Variants in TENM4 observed in about 807,000 individuals in gnomAD.
TENM4 encodes teneurin transmembrane protein 4.
A neutral mutation model predicts 243.3 loss-of-function variants in TENM4; 82 were observed. The ratio of observed to expected loss-of-function variants is 0.34; its 90% CI spans 0.28 to 0.40. The LOEUF (loss-of-function observed/expected upper bound fraction) is 0.40. TENM4 is among the 10% of genes least tolerant of loss of function. The probability of loss-of-function intolerance (pLI) is 1.00; values close to 1 mark genes in which losing one functional copy is unlikely to be tolerated. For missense variants in TENM4, 3,138 were observed against 3,673.3 expected (o/e 0.85, Z 3.77); for synonymous variants, 1,412 against 1,456.3 (o/e 0.97, Z 0.69).
At chr11:78,999,071 C>T (rs994012249) in intron 6 of TENM4, among the ~76,000 whole-genome samples, 1 of 152,208 alleles carries the variant, frequency 6.6e-6, no homozygotes, top group Admixed American at 6.5e-5. Context: ...TGAGCACAGT[C>T]TCTGTCCATC....
At chr11:78,736,217 C>T (rs1267401902) in intron 20 of TENM4, among the ~76,000 whole-genome samples, 1 of 152,112 alleles carries the variant, frequency 6.6e-6, no homozygotes, top group East Asian at 1.9e-4. Context: ...CTCAAGTGAT[C>T]CTTACGCCGT....
intron 1 of TENM4, among the ~76,000 whole-genome samples, chr11:79,361,590 A>G (rs1436909445): frequency 6.6e-6 from 1 of 152,166 alleles, no homozygotes; most frequent in African/African-American, 2.4e-5. Context: ...TAAATAGTCC[A>G]TTCATTGAAC....
At chr11:79,358,949 CATT>C (rs1480776212) in intron 1 of TENM4, among the ~76,000 whole-genome samples, 2 of 116,176 alleles carry the variant, frequency 1.7e-5, no homozygotes, top group Non-Finnish European at 3.5e-5. Flanking sequence ...AGTAAAAAGG[CATT>C]TTTTTTTTTT....
At chr11:78,745,633 GT>G (rs1565360818) in intron 19 of TENM4, among the ~76,000 whole-genome samples, 1 of 152,126 alleles carries the variant, frequency 6.6e-6, no homozygotes, top group Non-Finnish European at 1.5e-5. Context: ...GAACAAATCG[GT>G]GAGAATCCAA....
intron 1 of TENM4, among the ~76,000 whole-genome samples, chr11:79,409,564 C>G (rs78986379): frequency 2.0e-5 from 3 of 151,992 alleles, no homozygotes; most frequent in Non-Finnish European, 4.4e-5. Context: ...GAAGAATAGC[C>G]CCCCCGGAAC....
At chr11:78,814,981 C>A (rs958196673) in intron 12 of TENM4, among the ~76,000 whole-genome samples, 1 of 152,198 alleles carries the variant, frequency 6.6e-6, no homozygotes, top group Non-Finnish European at 1.5e-5. Context: ...CACCCATCAG[C>A]CTAAGTTATT....
chr11:79,325,746 A>C (rs941613939), intron 1 of TENM4, among the ~76,000 whole-genome samples: 1 of 152,160 alleles, frequency 6.6e-6, no homozygotes, highest in African/African-American at 2.4e-5. Flanking sequence ...TTTATAATTC[A>C]CTGGGTCAAA....
At chr11:78,871,136 T>C (rs996057768) in intron 9 of TENM4, among the ~76,000 whole-genome samples, 7 of 152,138 alleles carry the variant, frequency 4.6e-5, no homozygotes, top group Non-Finnish European at 1.5e-5. Context: ...GAGCACAGCC[T>C]CTGGAGCCAG....
intron 1 of TENM4, among the ~76,000 whole-genome samples, chr11:79,401,187 T>G (rs528907718): frequency 1.1e-3 from 175 of 152,332 alleles, no homozygotes; most frequent in African/African-American, 4.1e-3. Flanking sequence ...TCCTGCCTCC[T>G]TCCCTCCCTC....
chr11:79,390,384 C>T (rs917723588), intron 1 of TENM4, among the ~76,000 whole-genome samples: 2 of 152,236 alleles, frequency 1.3e-5, no homozygotes, highest in African/African-American at 4.8e-5. Flanking sequence ...GCCATTTGCT[C>T]TCTACAGTAC....
chr11:79,131,880 G>A (rs780480906), intron 4 of TENM4, among the ~76,000 whole-genome samples: 12 of 152,000 alleles, frequency 7.9e-5, no homozygotes, highest in Non-Finnish European at 1.8e-4. Flanking sequence ...AGCCAGCAGG[G>A]GTAGCTATTC....
intron 1 of TENM4, among the ~76,000 whole-genome samples, chr11:79,428,903 G>C (rs1279161914): frequency 6.6e-6 from 1 of 152,156 alleles, no homozygotes; most frequent in African/African-American, 2.4e-5. Flanking sequence ...CATTTCTCAA[G>C]CCTGCTGTAC....
chr11:78,849,494 C>T (rs1295550286), intron 12 of TENM4, among the ~76,000 whole-genome samples: 1 of 152,162 alleles, frequency 6.6e-6, no homozygotes, highest in Non-Finnish European at 1.5e-5. Context: ...GTCAACATAT[C>T]TATTGTCTAA....
chr11:78,740,359 C>T (rs2135908159), intron 19 of TENM4, among the ~76,000 whole-genome samples: 1 of 150,372 alleles, frequency 6.7e-6, no homozygotes, highest in East Asian at 2.0e-4. Context: ...GACTCCCCAC[C>T]CCACCCCACC....
intron 19 of TENM4, among the ~76,000 whole-genome samples, chr11:78,746,594 C>T (rs1856056497): frequency 6.6e-6 from 1 of 152,212 alleles, no homozygotes; most frequent in Admixed American, 6.5e-5. Flanking sequence ...GTCCACCATA[C>T]TATGCTTCCA....
chr11:79,335,217 T>C (rs1436517840), intron 1 of TENM4, among the ~76,000 whole-genome samples: 1 of 152,228 alleles, frequency 6.6e-6, no homozygotes, highest in Non-Finnish European at 1.5e-5. Context: ...TTCAAGCTGG[T>C]TCTGCTACAG....
At chr11:78,696,965 T>G (rs1348934599) in intron 28 of TENM4, among the ~76,000 whole-genome samples, 1 of 151,694 alleles carries the variant, frequency 6.6e-6, no homozygotes, top group African/African-American at 2.4e-5. Flanking sequence ...AGATGAAGGG[T>G]GTTGTTCCTG....
At chr11:78,995,928 C>G (rs1858162286) in intron 6 of TENM4, among the ~76,000 whole-genome samples, 1 of 152,102 alleles carries the variant, frequency 6.6e-6, no homozygotes, top group South Asian at 2.1e-4. Context: ...TGCAGTAAGA[C>G]TCATAAGAGA....
intron 28 of TENM4, 108 bp downstream of exon 28, chr11:78,701,417 GT>G: frequency 2.2e-6 from 3 of 1,353,372 alleles, no homozygotes; most frequent in Non-Finnish European, 3.0e-6. Flanking sequence ...ATAAGTAATA[GT>G]TTTTATCCCA....
Sources: allele counts gnomAD v4.1 joint callset (sites outside exome capture counted in the v4.1 genomes callset), GRCh38; gene constraint gnomAD v4.1.1; transcripts MANE v1.5; gene names NCBI Gene and HGNC (gene_info 2026-07-23, HGNC 2026-07-21).